The following NAV2 variants were observed in gnomAD, a reference collection of about 807,000 sequenced individuals.
NAV2 encodes the protein neuron navigator 2, also known as helicase, APC down-regulated 1.
A neutral mutation model predicts 223.2 loss-of-function variants in NAV2; 54 were observed. The ratio of observed to expected loss-of-function variants is 0.24; its 90% CI spans 0.19 to 0.30. The LOEUF (loss-of-function observed/expected upper bound fraction) is 0.30, where lower values mean the gene tolerates loss of function less well. Ranked by LOEUF, NAV2 falls within the 10% of genes least tolerant of loss-of-function variation. NAV2 has a pLI of 1.00. For missense variants in NAV2, 2,806 were observed against 3,147.5 expected, an observed-to-expected ratio of 0.89 and a Z score of 2.60; for synonymous variants, 1,279 against 1,239.3, an observed-to-expected ratio of 1.03 and a Z score of -0.67.
intron 10 of NAV2, among the ~76,000 whole-genome samples, chr11:19,957,481 T>C (rs1242462245): frequency 6.6e-6 from 1 of 152,222 alleles, no homozygotes; most frequent in East Asian, 1.9e-4. Context: ...ATGGTTGTGA[T>C]GTTGTCTGAC....
chr11:20,092,121 A>G, intron 27 of NAV2, 85 bp from the exon 28 acceptor site: 1 of 1,373,920 alleles, frequency 7.3e-7, no homozygotes, highest in East Asian at 2.3e-5. Context: ...TGGTTTCTGC[A>G]GGGAACTTTC....
chr11:20,036,967 A>T (rs1202811094), intron 12 of NAV2, among the ~76,000 whole-genome samples: 2 of 152,130 alleles, frequency 1.3e-5, no homozygotes, highest in African/African-American at 2.4e-5. Context: ...CCCTCAGACC[A>T]TTCCTTCATG....
In NAV2 at chr11:19,604,564, G is replaced by A. The variant is rs115528590; in HGVS notation, c.76-227920G>A. Among the ~76,000 whole-genome samples, 696 of 152,190 alleles carry A rather than the reference G, an allele frequency of 4.6e-3. 6 individuals carry two copies. The highest frequency in any genetic ancestry group is 0.016 in the African/African-American group (651 of 41,498). On this transcript the variant is annotated intron_variant, in intron 1 of 37. Transcript: ENST00000360655. ...TTGGTGGCTTGGGATGCATTAAATC[G>A]TTGAATCTTGCTTTGTGCCAGGCAA...
intron 1 of NAV2, among the ~76,000 whole-genome samples, chr11:19,551,480 A>G (rs2044688780): frequency 6.6e-6 from 1 of 152,134 alleles, no homozygotes; most frequent in African/African-American, 2.4e-5. Context: ...TGAGCCTGCC[A>G]GTGTGCCTGT....
chr11:19,345,570 C>CCGCAG, the NAV2 span, among the ~76,000 whole-genome samples: 8 of 152,188 alleles, frequency 5.3e-5, no homozygotes, highest in Non-Finnish European at 1.2e-4. The surrounding 1 kb of genome is among the most constrained non-coding windows in gnomAD (Gnocchi z 5.2). Context: ...AGCCACCCGG[C>CCGCAG]CGCAGCATAG....
At chr11:19,347,110 G>A (rs978596456), upstream of NAV2, among the ~76,000 whole-genome samples, 3 of 152,196 alleles carry the variant, frequency 2.0e-5, no homozygotes, top group Non-Finnish European at 4.4e-5. Flanking sequence ...GTGAGGAAAA[G>A]GCCAAAGGGG....
intron 11 of NAV2, chr11:20,027,408 G>C (rs978346806): frequency 1.0e-6 from 1 of 985,400 alleles, no homozygotes; most frequent in Non-Finnish European, 1.2e-6. Flanking sequence ...CGGGGGGCAT[G>C]GGCCAGCCCT....
intron 1 of NAV2, among the ~76,000 whole-genome samples, chr11:19,823,813 T>C (rs1192628253): frequency 6.6e-6 from 1 of 152,058 alleles, no homozygotes; most frequent in Non-Finnish European, 1.5e-5. Context: ...AAATACCCAA[T>C]GTAGATGACG....
Position 20,046,596 on chromosome 11 carries a change from T to TCACACACACACACACACACA in NAV2, c.3902+935_3902+954dup, listed in dbSNP as rs61668060. ...TGAAATTTTAACTTCCCCCTCCCCA[T>TCACACACACACACACACACA]CACACACACACACACACACACACAC... On this transcript the variant is annotated intron_variant, in intron 14 of 37. Coordinates refer to ENST00000349880, the MANE Select transcript of NAV2 (RefSeq NM_145117.5). 9.2e-3 allele frequency among the ~76,000 whole-genome samples: 1,344 copies of TCACACACACACACACACACA among 145,934 alleles called. 10 individuals are homozygous for TCACACACACACACACACACA. The highest frequency in any genetic ancestry group is 0.031 in the Middle Eastern group (9 of 290).
intron 1 of NAV2, among the ~76,000 whole-genome samples, chr11:19,364,090 C>T (rs370401321): frequency 6.6e-6 from 1 of 152,204 alleles, no homozygotes; most frequent in Non-Finnish European, 1.5e-5. Context: ...AAAGTTCCAA[C>T]CCTAATCACA....
At chr11:19,807,268 C>T (rs930437988) in intron 1 of NAV2, among the ~76,000 whole-genome samples, 5 of 152,176 alleles carry the variant, frequency 3.3e-5, no homozygotes, top group African/African-American at 1.2e-4. Context: ...AAGCTCCAAA[C>T]TGGAATTCTG....
intron 1 of NAV2, among the ~76,000 whole-genome samples, chr11:19,817,779 G>A (rs1035259098): frequency 6.6e-6 from 1 of 152,264 alleles, no homozygotes; most frequent in African/African-American, 2.4e-5. Context: ...TCTTAATGGG[G>A]AGTAACTGAA....
intron 1 of NAV2, among the ~76,000 whole-genome samples, chr11:19,580,935 T>C (rs1461624023): frequency 6.6e-6 from 1 of 152,262 alleles, no homozygotes; most frequent in South Asian, 2.1e-4. Context: ...ATACTCATCC[T>C]ATCCTACATT....
intron 1 of NAV2, among the ~76,000 whole-genome samples, chr11:19,782,672 T>G (rs2056831824): frequency 6.6e-6 from 1 of 151,628 alleles, no homozygotes; most frequent in Non-Finnish European, 1.5e-5. Flanking sequence ...AGATCTGGGC[T>G]GGGTGACCCA....
intron 1 of NAV2, among the ~76,000 whole-genome samples, chr11:19,798,741 A>C (rs1230818937): frequency 1.3e-5 from 2 of 152,088 alleles, no homozygotes; most frequent in East Asian, 3.9e-4. Context: ...ATAGAGAAAA[A>C]CCGAGGTTCT....
chr11:20,005,581 C>G (rs554031381), intron 11 of NAV2, among the ~76,000 whole-genome samples: 1 of 141,766 alleles, frequency 7.1e-6, no homozygotes, highest in East Asian at 2.1e-4. Context: ...AAAAAAAAAA[C>G]GAGAAATGAG....
chr11:19,541,882 T>G (rs1376026498), intron 1 of NAV2, among the ~76,000 whole-genome samples: 1 of 152,218 alleles, frequency 6.6e-6, no homozygotes, highest in South Asian at 2.1e-4. Context: ...AAATATGCCT[T>G]GCCTTACTGT....
At chr11:19,409,826 T>G (rs544784870) in intron 1 of NAV2, among the ~76,000 whole-genome samples, 2 of 152,238 alleles carry the variant, frequency 1.3e-5, no homozygotes, top group Non-Finnish European at 2.9e-5. Flanking sequence ...GTTGTAGAGC[T>G]GGTATTTGAA....
At chr11:19,880,408 C>T (rs2063127527) in intron 5 of NAV2, among the ~76,000 whole-genome samples, 1 of 152,188 alleles carries the variant, frequency 6.6e-6, no homozygotes, top group African/African-American at 2.4e-5. Context: ...TGCTCGTAGA[C>T]AATAAACAGC....
Sources: gnomAD v4.1 joint callset for allele counts (sites outside exome capture counted in the v4.1 genomes callset) on GRCh38, gnomAD v4.1.1 for gene constraint, Gnocchi (gnomAD v3.1) non-coding constraint, MANE v1.5 for transcripts, NCBI Gene and HGNC (gene_info 2026-07-23, HGNC 2026-07-21) for gene names.